CEP57: variants seen among roughly 807,000 people sequenced by gnomAD.
CEP57 encodes centrosomal protein of 57 kDa.
CEP57 carries 40 observed loss-of-function variants against 68.0 expected under a neutral mutation model. That is an observed-to-expected ratio of 0.59 (90% CI 0.46 to 0.77). CEP57 has a LOEUF of 0.77. Among genes scored for constraint, CEP57 ranks in the 30% least tolerant of loss-of-function variants. The pLI is 0.00. For missense variants in CEP57, 606 were observed against 580.7 expected (o/e 1.04, Z -0.45); for synonymous variants, 219 against 198.7 (o/e 1.10, Z -0.86).
chr11:95,805,105 A>G (rs1037058066), intron 2 of CEP57, among the ~76,000 whole-genome samples: 3 of 152,232 alleles, frequency 2.0e-5, no homozygotes, highest in Non-Finnish European at 4.4e-5. Context: ...GCAGAAATAA[A>G]GTATCAGCAA....
intron 1 of CEP57, among the ~76,000 whole-genome samples, chr11:95,796,464 A>G (rs1206080500): frequency 1.3e-5 from 2 of 152,228 alleles, no homozygotes; most frequent in Non-Finnish European, 2.9e-5. Flanking sequence ...TGTTAAATAT[A>G]AAGAAGCCCA....
At chr11:95,814,612 G>A (rs564436059) in intron 4 of CEP57, among the ~76,000 whole-genome samples, 1 of 152,062 alleles carries the variant, frequency 6.6e-6, no homozygotes, top group South Asian at 2.1e-4. Context: ...CGCCTGCCTT[G>A]GCCTCCCAGA....
chr11:95,810,060 A>G (rs1208704245), intron 2 of CEP57, among the ~76,000 whole-genome samples: 1 of 152,216 alleles, frequency 6.6e-6, no homozygotes, highest in Non-Finnish European at 1.5e-5. Flanking sequence ...ACAAATCAGT[A>G]AACGTAATTC....
intron 1 of CEP57, chr11:95,795,494 T>A (rs1447706904): frequency 2.8e-6 from 1 of 351,880 alleles, no homozygotes; most frequent in African/African-American, 8.5e-5. Context: ...TTAATAGCTG[T>A]TATTCTTTTT....
chr11:95,809,911 A>C (rs1244976514), intron 2 of CEP57, among the ~76,000 whole-genome samples: 3 of 152,250 alleles, frequency 2.0e-5, no homozygotes, highest in African/African-American at 7.2e-5. Flanking sequence ...AGAGAATTTT[A>C]CACCGATATC....
chr11:95,796,675 T>G (rs1861361887), intron 1 of CEP57, among the ~76,000 whole-genome samples: 1 of 152,188 alleles, frequency 6.6e-6, no homozygotes, highest in Non-Finnish European at 1.5e-5. Flanking sequence ...CTACAATTAT[T>G]TTAATTCTGA....
chr11:95,828,375 G>A (rs1299885092), intron 9 of CEP57, among the ~76,000 whole-genome samples: 2 of 152,106 alleles, frequency 1.3e-5, no homozygotes, highest in African/African-American at 2.4e-5. Context: ...AGTGTGCTAA[G>A]CTTATAGCTT....
intron 4 of CEP57, among the ~76,000 whole-genome samples, chr11:95,814,066 T>C (rs1862191210): frequency 8.6e-6 from 1 of 116,274 alleles, no homozygotes; most frequent in African/African-American, 2.7e-5. Context: ...ATCAATTGAT[T>C]GGATCTCACT....
intron 10 of CEP57, among the ~76,000 whole-genome samples, chr11:95,829,568 C>T (rs1862913554): frequency 6.6e-6 from 1 of 152,132 alleles, no homozygotes; most frequent in African/African-American, 2.4e-5. Flanking sequence ...ATTTAATATT[C>T]TTTATGAATA....
At chr11:95,814,496 G>A (rs897735020) in intron 4 of CEP57, among the ~76,000 whole-genome samples, 17 of 151,996 alleles carry the variant, frequency 1.1e-4, no homozygotes, top group Non-Finnish European at 2.2e-4. Flanking sequence ...AAGTAGCTGG[G>A]ATTACAGGCA....
chr11:95,828,535 T>C (rs1862856326), intron 9 of CEP57, among the ~76,000 whole-genome samples: 1 of 152,224 alleles, frequency 6.6e-6, no homozygotes, highest in South Asian at 2.1e-4. Flanking sequence ...CTGTTGTATA[T>C]GTGGTCTGTT....
At chr11:95,799,460 A>G in intron 2 of CEP57, 72 bp downstream of exon 2, 1 of 1,576,778 alleles carries the variant, frequency 6.3e-7, no homozygotes, top group Non-Finnish European at 8.7e-7. Context: ...TTTGTCCTCC[A>G]TTATTTTGCC....
chr11:95,801,394 T>G (rs1427535204), intron 2 of CEP57, among the ~76,000 whole-genome samples: 5 of 147,764 alleles, frequency 3.4e-5, no homozygotes, highest in Non-Finnish European at 5.9e-5. Flanking sequence ...TATAGCAGGT[T>G]GGCAATTTAA....
At position 95,832,563 on chromosome 11, in the gene CEP57, C is replaced by G. The variant is rs1410743685; in HGVS notation, c.*1307C>G. On this transcript the variant is annotated 3_prime_UTR_variant, in exon 11 of 11. Coordinates refer to ENST00000325542, the MANE Select transcript of CEP57 (RefSeq NM_014679.5). ...ATTAATAATTGTGAGCCCATAGACA[C>G]AAGGGAAGTGAGAAACAGTGCTCTG... 2 of 152,078 alleles carry G rather than the reference C, an allele frequency of 1.3e-5. No individual in the cohort carries two copies. The highest frequency in any genetic ancestry group is 3.9e-4 in the East Asian group (2 of 5,188). 9.4% of individuals were successfully genotyped at this position (152,078 alleles called of 1,614,324 possible).
intron 2 of CEP57, among the ~76,000 whole-genome samples, chr11:95,803,158 A>G (rs74912684): frequency 1.7e-3 from 255 of 152,278 alleles, no homozygotes; most frequent in African/African-American, 5.9e-3. Flanking sequence ...AAGATGGAGA[A>G]ATCTTTGAGT....
At chr11:95,830,118 T>C (rs1018808048) in intron 10 of CEP57, among the ~76,000 whole-genome samples, 2 of 152,226 alleles carry the variant, frequency 1.3e-5, no homozygotes, top group Non-Finnish European at 2.9e-5. Flanking sequence ...CCAAGTGCTC[T>C]GAGTATATCT....
At chr11:95,791,937 G>A (rs1196506328) in intron 1 of CEP57, among the ~76,000 whole-genome samples, 4 of 152,130 alleles carry the variant, frequency 2.6e-5, no homozygotes, top group African/African-American at 9.7e-5. Flanking sequence ...AGGATGGTGA[G>A]GGAAGGAACT....
intron 8 of CEP57, chr11:95,823,142 G>C (rs1226661133): frequency 6.6e-6 from 1 of 152,404 alleles, no homozygotes; most frequent in Non-Finnish European, 1.5e-5. Context: ...TTGTGTTGCT[G>C]GTGGTTTTAT....
chr11:95,820,047 CT>C lies in CEP57; in HGVS notation c.699+1145del, dbSNP rs920783450. On this transcript the variant is annotated intron_variant, in intron 6 of 10. Transcript: ENST00000325542. ...CATTTCCATACTTGTAACAAACAAA[CT>C]TGTGGGTTGTGCTTTATTATATGCA... 2.0e-4 allele frequency among the ~76,000 whole-genome samples: 30 copies of C among 152,272 alleles called. 1 individual carries two copies. The highest frequency in any genetic ancestry group is 6.7e-4 in the African/African-American group (28 of 41,536).
Sources: gnomAD v4.1 joint callset for allele counts (sites outside exome capture counted in the v4.1 genomes callset) on GRCh38, gnomAD v4.1.1 for gene constraint, MANE v1.5 for transcripts, NCBI Gene and HGNC (gene_info 2026-07-23, HGNC 2026-07-21) for gene names.